SUPT3H: variants seen among roughly 807,000 people sequenced by gnomAD.
The protein encoded by SUPT3H is SPT3 homolog, SAGA and STAGA complex component.
A neutral mutation model predicts 44.3 loss-of-function variants in SUPT3H; 44 were observed. The ratio of observed to expected loss-of-function variants is 0.99; its 90% CI spans 0.78 to 1.28. SUPT3H has a LOEUF of 1.28. Among genes scored for constraint, SUPT3H ranks in the 50% most tolerant of loss-of-function variants. SUPT3H has a pLI of 0.00. For missense variants in SUPT3H, 380 were observed against 387.1 expected (o/e 0.98, Z 0.15); for synonymous variants, 124 against 125.6 (o/e 0.99, Z 0.09).
chr6:45,366,042 T>A (rs1165960417), intron 1 of SUPT3H, among the ~76,000 whole-genome samples: 1 of 152,152 alleles, frequency 6.6e-6, no homozygotes, highest in Non-Finnish European at 1.5e-5. Context: ...TTAGTCAAAG[T>A]AACATTAAAA....
intron 10 of SUPT3H, among the ~76,000 whole-genome samples, chr6:44,895,058 A>G (rs530155297): frequency 1.3e-5 from 2 of 152,046 alleles, no homozygotes; most frequent in Non-Finnish European, 2.9e-5. Flanking sequence ...TTACCATTCA[A>G]TACTTAAACA....
rs1768475480 is a variant in SUPT3H at position 44,920,270 on chromosome 6, T to C, written c.912+12383A>G. On this transcript the variant is annotated intron_variant, in intron 10 of 10. Transcript: ENST00000371459. ...AATAGCTCCTTAATGACTATGTCTG[T>C]TGTTTAAAAGAAAATTTCCCACTGG... 3.3e-5 allele frequency among the ~76,000 whole-genome samples: 5 copies of C among 152,240 alleles called. No individual in the cohort carries two copies. The South Asian group carries it at 1.0e-3, about 32-fold the overall frequency.
At chr6:45,105,888 A>C in intron 3 of SUPT3H, 34 bp downstream of exon 3, 1 of 1,524,656 alleles carries the variant, frequency 6.6e-7, no homozygotes, top group Non-Finnish European at 9.1e-7. Flanking sequence ...GAATGCAGAG[A>C]AGAGAAACCA....
chr6:44,919,711 G>A (rs899122711), intron 10 of SUPT3H, among the ~76,000 whole-genome samples: 2 of 151,496 alleles, frequency 1.3e-5, no homozygotes, highest in Admixed American at 6.6e-5. Flanking sequence ...TATTCTATAC[G>A]GCAAATATAT....
chr6:45,244,736 C>A (rs1209542624), intron 2 of SUPT3H, among the ~76,000 whole-genome samples: 1 of 152,182 alleles, frequency 6.6e-6, no homozygotes, highest in Non-Finnish European at 1.5e-5. Flanking sequence ...ACCCAACATT[C>A]TCTTTCACAT....
At chr6:45,118,927 T>C (rs1236646994) in intron 2 of SUPT3H, among the ~76,000 whole-genome samples, 3 of 152,174 alleles carry the variant, frequency 2.0e-5, no homozygotes, top group East Asian at 1.9e-4. Context: ...ACTCTGCCAC[T>C]GCCATGAAAG....
intron 10 of SUPT3H, among the ~76,000 whole-genome samples, chr6:44,891,979 T>G (rs1763384772): frequency 6.6e-6 from 1 of 152,028 alleles, no homozygotes; most frequent in East Asian, 1.9e-4. Context: ...CATCAAAATG[T>G]TCTATTCTTT....
At chr6:45,160,762 A>G (rs919399859) in intron 2 of SUPT3H, among the ~76,000 whole-genome samples, 18 of 152,290 alleles carry the variant, frequency 1.2e-4, no homozygotes, top group African/African-American at 2.2e-4. Flanking sequence ...AATTTGTTAT[A>G]CAAGAAAAAA....
At chr6:45,281,508 T>C (rs906073851) in intron 2 of SUPT3H, among the ~76,000 whole-genome samples, 3 of 152,152 alleles carry the variant, frequency 2.0e-5, no homozygotes, top group African/African-American at 7.2e-5. Flanking sequence ...CACAGCAGTC[T>C]GAGATCAAAC....
chr6:45,120,169 C>CA (rs1206052109), intron 2 of SUPT3H, among the ~76,000 whole-genome samples: 2 of 151,272 alleles, frequency 1.3e-5, no homozygotes, highest in African/African-American at 4.8e-5. Flanking sequence ...CTAAAAAAAA[C>CA]AAAAAACAAA....
intron 2 of SUPT3H, among the ~76,000 whole-genome samples, chr6:45,278,093 G>A (rs557741978): frequency 4.7e-5 from 7 of 149,232 alleles, no homozygotes; most frequent in African/African-American, 9.9e-5. Context: ...TGGACACAGC[G>A]AGGGGAACAT....
chr6:45,201,079 A>G (rs776418306), intron 2 of SUPT3H, among the ~76,000 whole-genome samples: 2 of 151,762 alleles, frequency 1.3e-5, no homozygotes, highest in South Asian at 4.1e-4. Flanking sequence ...ATGATTAGTA[A>G]CTTACATAAT....
intron 2 of SUPT3H, among the ~76,000 whole-genome samples, chr6:45,178,629 A>C (rs1812492079): frequency 6.6e-6 from 1 of 152,094 alleles, no homozygotes; most frequent in Non-Finnish European, 1.5e-5. Context: ...TCAGCACCAC[A>C]CCACACCTGT....
chr6:45,217,312 TA>T (rs1326334160), intron 2 of SUPT3H, among the ~76,000 whole-genome samples: 5 of 151,326 alleles, frequency 3.3e-5, no homozygotes, highest in Admixed American at 6.6e-5. Context: ...CCATCTCTAC[TA>T]AAACTACAAA....
intron 2 of SUPT3H, among the ~76,000 whole-genome samples, chr6:45,320,107 T>C (rs1785251157): frequency 6.6e-6 from 1 of 152,128 alleles, no homozygotes; most frequent in Non-Finnish European, 1.5e-5. Flanking sequence ...TTACATACCA[T>C]AGACACGATC....
chr6:44,994,301 G>A (rs987026747), intron 6 of SUPT3H, among the ~76,000 whole-genome samples: 5 of 152,070 alleles, frequency 3.3e-5, no homozygotes, highest in Non-Finnish European at 7.4e-5. Context: ...ATGGATGGAC[G>A]ATTTGCTTGA....
intron 10 of SUPT3H, among the ~76,000 whole-genome samples, chr6:44,837,425 G>A (rs1320998560): frequency 1.3e-5 from 2 of 152,226 alleles, no homozygotes; most frequent in African/African-American, 4.8e-5. Flanking sequence ...AATGGGAAAT[G>A]CTGATGTGCT....
intron 2 of SUPT3H, among the ~76,000 whole-genome samples, chr6:45,278,202 T>C (rs1370910865): frequency 1.3e-5 from 2 of 151,908 alleles, no homozygotes; most frequent in African/African-American, 4.8e-5. Context: ...AGATGACGAG[T>C]TGATGGGTGC....
chr6:45,136,420 A>C (rs1043806656), intron 2 of SUPT3H, among the ~76,000 whole-genome samples: 2 of 152,174 alleles, frequency 1.3e-5, no homozygotes, highest in African/African-American at 4.8e-5. Flanking sequence ...TGTTCAAACA[A>C]AAAATTATAA....
Sources: gnomAD v4.1 joint callset for allele counts (sites outside exome capture counted in the v4.1 genomes callset) on GRCh38, gnomAD v4.1.1 for gene constraint, MANE v1.5 for transcripts, NCBI Gene and HGNC (gene_info 2026-07-23, HGNC 2026-07-21) for gene names.